The following CHCHD3 variants were observed in gnomAD, a reference collection of about 807,000 sequenced individuals.
The protein encoded by CHCHD3 is MICOS complex subunit MIC19.
Under a neutral mutation model 38.2 loss-of-function variants are expected in CHCHD3, and 20 were observed. The observed-to-expected ratio is 0.52, with a 90% CI of 0.37 to 0.76. CHCHD3 has a LOEUF of 0.76. Among genes scored for constraint, CHCHD3 ranks in the 30% least tolerant of loss-of-function variants. The probability of loss-of-function intolerance (pLI) is 0.00; values close to 1 mark genes in which losing one functional copy is unlikely to be tolerated. For missense variants in CHCHD3, 245 were observed against 279.2 expected (o/e 0.88, Z 0.87); for synonymous variants, 82 against 100.0 (o/e 0.82, Z 1.07).
intron 4 of CHCHD3, chr7:132,973,533 T>C (rs1811664751): frequency 1.0e-6 from 1 of 985,458 alleles, no homozygotes; most frequent in Admixed American, 6.1e-5. Context: ...ACCTCTCTTA[T>C]TCCCTTTGTT....
intron 3 of CHCHD3, among the ~76,000 whole-genome samples, chr7:132,987,549 C>CTTT (rs1812152911): frequency 1.3e-5 from 2 of 152,150 alleles, no homozygotes; most frequent in Non-Finnish European, 2.9e-5. Context: ...GTGATGAGTG[C>CTTT]CTTCGAAACA....
chr7:132,914,116 T>C (rs1476180648), intron 4 of CHCHD3, among the ~76,000 whole-genome samples: 1 of 133,816 alleles, frequency 7.5e-6, no homozygotes, highest in Non-Finnish European at 1.6e-5. Context: ...CCCACCACCA[T>C]GCCTGGCGTG....
At chr7:133,074,764 T>C (rs1356726282) in intron 1 of CHCHD3, among the ~76,000 whole-genome samples, 1 of 152,214 alleles carries the variant, frequency 6.6e-6, no homozygotes, top group African/African-American at 2.4e-5. Flanking sequence ...AAATCAAGTG[T>C]TAGCTATAAG....
chr7:132,842,502 T>C (rs1053744559), intron 5 of CHCHD3, among the ~76,000 whole-genome samples: 2 of 152,198 alleles, frequency 1.3e-5, no homozygotes, highest in African/African-American at 4.8e-5. Context: ...ATTCAGCTAT[T>C]TCCAGTTTTC....
chr7:132,887,751 A>G (rs962456635), intron 4 of CHCHD3, among the ~76,000 whole-genome samples: 2 of 151,900 alleles, frequency 1.3e-5, no homozygotes, highest in Non-Finnish European at 3.0e-5. Flanking sequence ...ATATGGTGTC[A>G]TTATTCATCT....
chr7:132,939,679 A>G (rs1810718689), intron 4 of CHCHD3, among the ~76,000 whole-genome samples: 1 of 152,218 alleles, frequency 6.6e-6, no homozygotes, highest in Non-Finnish European at 1.5e-5. Flanking sequence ...CTTTGAACAA[A>G]CGAAAATTTG....
chr7:133,036,913 GT>G lies in CHCHD3; in HGVS notation c.170-12287del, dbSNP rs546094481. Among the ~76,000 whole-genome samples, 129 of 152,156 alleles carry G rather than the reference GT, an allele frequency of 8.5e-4. No individual in the cohort carries two copies. The Middle Eastern group carries it at 0.024, about 28-fold the overall frequency. On this transcript the variant is annotated intron_variant, in intron 2 of 7. Transcript: ENST00000262570. ...AATGTCAACATGCTAGGATTTGTTG[GT>G]TTTTTTAACCTACAGAAAAGATTAT...
chr7:132,825,563 T>C (rs1807489030), intron 6 of CHCHD3, among the ~76,000 whole-genome samples: 1 of 152,224 alleles, frequency 6.6e-6, no homozygotes, highest in South Asian at 2.1e-4. Flanking sequence ...GCGTCTTTTG[T>C]ATTGGAGAAA....
At chr7:133,078,147 A>C (rs981850879) in intron 1 of CHCHD3, among the ~76,000 whole-genome samples, 8 of 152,046 alleles carry the variant, frequency 5.3e-5, no homozygotes, top group Non-Finnish European at 1.0e-4. Context: ...CCTCTACTAA[A>C]CATACAAAAA....
intron 3 of CHCHD3, among the ~76,000 whole-genome samples, chr7:132,995,658 G>A (rs1317239962): frequency 6.6e-6 from 1 of 152,194 alleles, no homozygotes; most frequent in African/African-American, 2.4e-5. Context: ...TGGCCGGCAG[G>A]AGACAGAGCG....
chr7:132,924,155 T>A (rs1490319468), intron 4 of CHCHD3, among the ~76,000 whole-genome samples: 1 of 152,080 alleles, frequency 6.6e-6, no homozygotes, highest in Non-Finnish European at 1.5e-5. Flanking sequence ...GAGAGTAAGA[T>A]CAGTCAGAAG....
At chr7:132,935,400 AAATAGAAACTTT>A (rs1444977337) in intron 4 of CHCHD3, among the ~76,000 whole-genome samples, 6 of 152,192 alleles carry the variant, frequency 3.9e-5, no homozygotes, top group Non-Finnish European at 7.3e-5. Flanking sequence ...AAATACAATA[AAATAGAAACTTT>A]AAGAAGGCAG....
At chr7:132,853,833 T>C (rs1808280026) in intron 5 of CHCHD3, among the ~76,000 whole-genome samples, 1 of 152,152 alleles carries the variant, frequency 6.6e-6, no homozygotes, top group Non-Finnish European at 1.5e-5. Flanking sequence ...AAGCTGAGAT[T>C]TCACCTAACA....
At chr7:133,070,086 C>T (rs1814775257) in intron 2 of CHCHD3, 56 bp downstream of exon 2, 1 of 1,367,874 alleles carries the variant, frequency 7.3e-7, no homozygotes, top group Non-Finnish European at 1.0e-6. Context: ...ATTGAGTCAA[C>T]TTTTTCCACT....
At chr7:132,795,396 T>C (rs764205730) in intron 7 of CHCHD3, among the ~76,000 whole-genome samples, 3 of 152,182 alleles carry the variant, frequency 2.0e-5, no homozygotes, top group Non-Finnish European at 2.9e-5. Flanking sequence ...TACTAAGAGT[T>C]ATACAAGTGC....
At chr7:132,914,121 G>GGTGTGTGTGTGTGTGT (rs1234351482) in intron 4 of CHCHD3, among the ~76,000 whole-genome samples, 27 of 114,014 alleles carry the variant, frequency 2.4e-4, no homozygotes, top group African/African-American at 9.5e-4. Flanking sequence ...CACCATGCCT[G>GGTGTGTGTGTGTGTGT]GCGTGTGTGT....
chr7:132,935,285 T>G (rs1810609798), intron 4 of CHCHD3, among the ~76,000 whole-genome samples: 1 of 152,332 alleles, frequency 6.6e-6, no homozygotes, highest in East Asian at 1.9e-4. Context: ...ACATGAACCC[T>G]ACAAGGCCAG....
chr7:132,796,931 C>T (rs115073328), intron 6 of CHCHD3, among the ~76,000 whole-genome samples: 177 of 152,216 alleles, frequency 1.2e-3, no homozygotes, highest in African/African-American at 4.1e-3. Flanking sequence ...TTGGAGATCC[C>T]TACGGCCTGG....
intron 3 of CHCHD3, among the ~76,000 whole-genome samples, chr7:133,000,364 G>A (rs1013156617): frequency 6.6e-6 from 1 of 152,082 alleles, no homozygotes; most frequent in Non-Finnish European, 1.5e-5. Context: ...AGACAAAAAG[G>A]CATATAGATG....
Sources: gnomAD v4.1 joint callset for allele counts (sites outside exome capture counted in the v4.1 genomes callset) on GRCh38, gnomAD v4.1.1 for gene constraint, MANE v1.5 for transcripts, NCBI Gene and HGNC (gene_info 2026-07-23, HGNC 2026-07-21) for gene names.